The following VPS54 variants were observed in gnomAD, a reference collection of about 807,000 sequenced individuals.
The protein encoded by VPS54 is vacuolar protein sorting-associated protein 54.
In VPS54, 45 loss-of-function variants were observed where a neutral mutation model predicts 121.5. That is an observed-to-expected ratio of 0.37 (90% confidence interval 0.29 to 0.47). The LOEUF (loss-of-function observed/expected upper bound fraction) is 0.47. Among genes scored for constraint, VPS54 ranks in the 20% least tolerant of loss-of-function variants. VPS54 has a pLI of 0.99. For missense variants in VPS54, 1,090 were observed against 1,131.4 expected (o/e 0.96, Z 0.52); for synonymous variants, 371 against 385.8 (o/e 0.96, Z 0.45).
chr2:63,955,642 A>G (rs1675460573), intron 7 of VPS54, among the ~76,000 whole-genome samples: 1 of 152,088 alleles, frequency 6.6e-6, no homozygotes, highest in Admixed American at 6.6e-5. Flanking sequence ...AATTTAATAA[A>G]GAACCTCAAT....
intron 20 of VPS54, among the ~76,000 whole-genome samples, chr2:63,904,247 T>A (rs1672809426): frequency 6.6e-6 from 1 of 151,954 alleles, no homozygotes; most frequent in Admixed American, 6.6e-5. Flanking sequence ...GAGACCAGCC[T>A]GGCCAACATG....
At chr2:63,950,565 G>C (rs182607935) in intron 7 of VPS54, among the ~76,000 whole-genome samples, 29 of 152,204 alleles carry the variant, frequency 1.9e-4, no homozygotes, top group Admixed American at 1.3e-3. Flanking sequence ...CCAGAAAAAG[G>C]GTTCTCATCC....
At chr2:63,922,501 G>T (rs1424771611) in intron 12 of VPS54, among the ~76,000 whole-genome samples, 1 of 152,062 alleles carries the variant, frequency 6.6e-6, no homozygotes, top group African/African-American at 2.4e-5. Context: ...AATAACAGAA[G>T]AATTAATATT....
At chr2:63,968,865 A>C in intron 5 of VPS54, 92 bp downstream of exon 5, 1 of 717,528 alleles carries the variant, frequency 1.4e-6, no homozygotes, top group Non-Finnish European at 2.0e-6. Flanking sequence ...CAAAGGGTCA[A>C]AAAAAAAAAA....
intron 1 of VPS54, among the ~76,000 whole-genome samples, chr2:64,004,242 T>C (rs1678022703): frequency 6.6e-6 from 1 of 152,008 alleles, no homozygotes; most frequent in Admixed American, 6.6e-5. Context: ...AGAATGCCAG[T>C]AATAAATATA....
intron 3 of VPS54, among the ~76,000 whole-genome samples, chr2:63,980,302 T>G (rs1227328766): frequency 6.6e-6 from 1 of 152,172 alleles, no homozygotes; most frequent in Non-Finnish European, 1.5e-5. Flanking sequence ...GCATGGTATA[T>G]ATTTTTTCCT....
intron 4 of VPS54, among the ~76,000 whole-genome samples, chr2:63,971,488 A>T (rs1676283151): frequency 6.6e-6 from 1 of 152,216 alleles, no homozygotes; most frequent in South Asian, 2.1e-4. Flanking sequence ...GAACCAATAT[A>T]TTAAACTCTT....
chr2:63,933,644 G>A (rs556163497), intron 12 of VPS54, 29 bp downstream of exon 12: 1 of 1,577,072 alleles, frequency 6.3e-7, no homozygotes, highest in African/African-American at 1.3e-5. Context: ...TCAAAATCTT[G>A]TCAATTTGGC....
intron 11 of VPS54, among the ~76,000 whole-genome samples, chr2:63,938,041 TGTGTGTGTG>T (rs772336531): frequency 9.5e-5 from 11 of 116,036 alleles, no homozygotes; most frequent in South Asian, 2.7e-4. Flanking sequence ...TGGAAACGTG[TGTGTGTGTG>T]GTGTGTGTGG....
At chr2:64,013,719 G>A (rs554161245) in intron 1 of VPS54, among the ~76,000 whole-genome samples, 3 of 144,436 alleles carry the variant, frequency 2.1e-5, no homozygotes, top group Non-Finnish European at 1.5e-5. Context: ...ATATCATATA[G>A]AGAGATATAT....
chr2:63,915,607 G>C (rs2104440221), intron 16 of VPS54, among the ~76,000 whole-genome samples: 1 of 152,264 alleles, frequency 6.6e-6, no homozygotes, highest in East Asian at 1.9e-4. Flanking sequence ...GGCCAGAGGG[G>C]ACCATATCCA....
intron 20 of VPS54, among the ~76,000 whole-genome samples, chr2:63,909,859 G>C (rs1673071613): frequency 6.6e-6 from 1 of 150,834 alleles, no homozygotes; most frequent in Non-Finnish European, 1.5e-5. Context: ...CGAGTAGCTG[G>C]GATTACAGGT....
intron 3 of VPS54, among the ~76,000 whole-genome samples, chr2:63,976,083 C>G (rs900724976): frequency 6.6e-6 from 1 of 152,050 alleles, no homozygotes; most frequent in African/African-American, 2.4e-5. Context: ...GCTAAGAGTT[C>G]TTTTTTTAAA....
intron 20 of VPS54, among the ~76,000 whole-genome samples, chr2:63,903,169 C>T (rs538437479): frequency 1.3e-5 from 2 of 152,242 alleles, no homozygotes; most frequent in South Asian, 2.1e-4. Context: ...AACTTAGACA[C>T]ATCATAGTGA....
Position 63,897,603 on chromosome 2 carries a change from TA to T in VPS54, c.2734-14del. On this transcript the variant is annotated splice_polypyrimidine_tract_variant and intron_variant, in intron 21 of 22. Coordinates refer to ENST00000272322, the MANE Select transcript of VPS54 (RefSeq NM_016516.3). ...TTAAAAATAACATCTGAAAAAGAAA[TA>T]AAACTAAGTTTCTTAAAGTTCTACT... 7.1e-7 allele frequency: 1 copy of T among 1,406,546 alleles called. No individual in the cohort carries two copies. The highest frequency in any genetic ancestry group is 9.9e-7 in the Non-Finnish European group (1 of 1,012,050). The allele number at this position is 1,406,546 out of a possible 1,614,324, so 87.1% of individuals were successfully genotyped here.
At chr2:63,979,881 G>C (rs74800073) in intron 3 of VPS54, among the ~76,000 whole-genome samples, 273 of 152,022 alleles carry the variant, frequency 1.8e-3, no homozygotes, top group Non-Finnish European at 3.2e-3. Context: ...ATTAAAATTT[G>C]TTTTCAAACC....
chr2:63,918,938 A>G (rs764476236), intron 15 of VPS54, among the ~76,000 whole-genome samples: 4 of 152,070 alleles, frequency 2.6e-5, no homozygotes, highest in African/African-American at 9.6e-5. Context: ...CTATGTATCA[A>G]ACTAATGGTT....
chr2:63,914,353 T>G (rs1243277886), intron 16 of VPS54, 66 bp from the exon 17 acceptor site: 1 of 1,118,070 alleles, frequency 8.9e-7, no homozygotes, highest in African/African-American at 1.6e-5. Flanking sequence ...ATTTGGCATA[T>G]AAAAATCAAA....
intron 13 of VPS54, 95 bp from the exon 14 acceptor site, chr2:63,920,722 T>C: frequency 1.4e-6 from 1 of 689,766 alleles, no homozygotes; most frequent in Non-Finnish European, 2.0e-6. Context: ...CTATATATTT[T>C]TTATTTTAAT....
Sources: allele counts gnomAD v4.1 joint callset (sites outside exome capture counted in the v4.1 genomes callset), GRCh38; gene constraint gnomAD v4.1.1; transcripts MANE v1.5; gene names NCBI Gene and HGNC (gene_info 2026-07-23, HGNC 2026-07-21).